Variants in SPIRE1 observed in about 807,000 individuals in gnomAD.
SPIRE1 encodes the protein spire type actin nucleation factor 1.
SPIRE1 carries 40 observed loss-of-function variants against 94.1 expected under a neutral mutation model. That is an observed-to-expected ratio of 0.43 (90% CI 0.33 to 0.55). The LOEUF (loss-of-function observed/expected upper bound fraction) is 0.55. Ranked by LOEUF, SPIRE1 falls within the 20% of genes least tolerant of loss-of-function variation. The probability of loss-of-function intolerance (pLI) is 0.06; values close to 1 mark genes in which losing one functional copy is unlikely to be tolerated. For synonymous variants in SPIRE1, 376 were observed against 371.7 expected (o/e 1.01, Z -0.13); for missense variants, 838 against 975.2 (o/e 0.86, Z 1.87).
intron 2 of SPIRE1, among the ~76,000 whole-genome samples, chr18:12,581,438 A>G (rs1467875330): frequency 3.4e-5 from 5 of 147,786 alleles, no homozygotes; most frequent in African/African-American, 1.2e-4. Flanking sequence ...AAAGGTTAAA[A>G]AAAATAACCA....
At chr18:12,632,919 A>G (rs956711320) in intron 2 of SPIRE1, among the ~76,000 whole-genome samples, 3 of 152,198 alleles carry the variant, frequency 2.0e-5, no homozygotes, top group African/African-American at 7.2e-5. Context: ...TAAAATCTTC[A>G]TATTTCATTA....
At chr18:12,556,886 GC>G (rs950436144) in intron 2 of SPIRE1, among the ~76,000 whole-genome samples, 146 of 152,268 alleles carry the variant, frequency 9.6e-4, no homozygotes, top group African/African-American at 3.4e-3. Context: ...GCTGGCTTGG[GC>G]AGCCTGCTTT....
chr18:12,661,321 A>C, upstream of SPIRE1: 1 of 978,934 alleles, frequency 1.0e-6, no homozygotes, highest in Non-Finnish European at 1.2e-6. Flanking sequence ...AAAAGAAGAA[A>C]AAAAATTGAT....
intron 2 of SPIRE1, among the ~76,000 whole-genome samples, chr18:12,631,564 A>AAC (rs2037779252): frequency 1.3e-5 from 2 of 149,796 alleles, no homozygotes; most frequent in African/African-American, 4.9e-5. Flanking sequence ...AAAAAAAAAA[A>AAC]AAAAAAAAAA....
intron 2 of SPIRE1, among the ~76,000 whole-genome samples, chr18:12,569,852 C>T (rs1182872765): frequency 1.3e-5 from 2 of 152,110 alleles, no homozygotes; most frequent in African/African-American, 4.8e-5. Context: ...GGTTTTAAAG[C>T]CCAACCAATT....
In SPIRE1 at chr18:12,453,061, A is replaced by C; in HGVS notation, c.1847+7T>G. The C allele has an allele frequency of 6.4e-7, 1 of 1,555,168 alleles. No homozygotes were observed. The highest frequency in any genetic ancestry group is 8.7e-7 in the Non-Finnish European group (1 of 1,152,758). ...TTTATCTTTTCATCAATTACAAAAT[A>C]CCTTACCTCTTACAGAACTGACAGG... On this transcript the variant is annotated splice_region_variant and intron_variant, in intron 14 of 16. Coordinates refer to ENST00000409402, the MANE Select transcript of SPIRE1 (RefSeq NM_001128626.2).
At chr18:12,457,497 C>T (rs559918534) in intron 12 of SPIRE1, among the ~76,000 whole-genome samples, 1 of 152,300 alleles carries the variant, frequency 6.6e-6, no homozygotes, top group Non-Finnish European at 1.5e-5. Context: ...GCTCCCACTG[C>T]ATGTGTTCGG....
intron 8 of SPIRE1, among the ~76,000 whole-genome samples, chr18:12,492,715 T>C (rs1568206130): frequency 6.6e-6 from 1 of 152,220 alleles, no homozygotes. Flanking sequence ...AGAGGAACTT[T>C]TATCCCCCTT....
At chr18:12,455,234 G>A (rs1428214669) in intron 12 of SPIRE1, among the ~76,000 whole-genome samples, 2 of 152,140 alleles carry the variant, frequency 1.3e-5, no homozygotes, top group Non-Finnish European at 2.9e-5. Flanking sequence ...CACCATGCCT[G>A]GCCTGGCCCT....
At chr18:12,591,796 C>T (rs1236126801) in intron 2 of SPIRE1, among the ~76,000 whole-genome samples, 3 of 151,674 alleles carry the variant, frequency 2.0e-5, no homozygotes, top group African/African-American at 7.3e-5. Context: ...AGTGAAACCC[C>T]GTCTCTACTA....
At chr18:12,630,283 C>A (rs1484086637) in intron 2 of SPIRE1, among the ~76,000 whole-genome samples, 1 of 152,132 alleles carries the variant, frequency 6.6e-6, no homozygotes, top group Non-Finnish European at 1.5e-5. Context: ...CTTCTTGCTC[C>A]CAGGAAACCT....
At chr18:12,601,958 G>C (rs2036845682) in intron 2 of SPIRE1, among the ~76,000 whole-genome samples, 2 of 152,090 alleles carry the variant, frequency 1.3e-5, no homozygotes, top group Non-Finnish European at 2.9e-5. Flanking sequence ...GGGAGCCCTG[G>C]TTACTGGTAG....
At chr18:12,584,106 C>T (rs1332518878) in intron 2 of SPIRE1, among the ~76,000 whole-genome samples, 1 of 151,778 alleles carries the variant, frequency 6.6e-6, no homozygotes, top group Non-Finnish European at 1.5e-5. Context: ...ATAATACATG[C>T]CAGGAAAAAA....
chr18:12,638,061 G>A (rs1443783547), intron 1 of SPIRE1, among the ~76,000 whole-genome samples: 1 of 152,134 alleles, frequency 6.6e-6, no homozygotes. Context: ...CTGCTCAAAA[G>A]CTAATCTAGG....
chr18:12,586,870 CTTATT>C (rs886823354), intron 2 of SPIRE1, among the ~76,000 whole-genome samples: 1 of 152,134 alleles, frequency 6.6e-6, no homozygotes, highest in African/African-American at 2.4e-5. Flanking sequence ...TGAGAAAACA[CTTATT>C]TTAACTGTCC....
intron 2 of SPIRE1, among the ~76,000 whole-genome samples, chr18:12,617,639 G>T (rs544391286): frequency 1.7e-4 from 26 of 152,190 alleles, no homozygotes; most frequent in African/African-American, 6.3e-4. Flanking sequence ...TCAAACTCCT[G>T]ACCTCAGGTG....
At chr18:12,458,807 C>T (rs2143560846) in intron 12 of SPIRE1, among the ~76,000 whole-genome samples, 1 of 152,234 alleles carries the variant, frequency 6.6e-6, no homozygotes, top group East Asian at 1.9e-4. Context: ...CCCAAGAGCA[C>T]ATCTAAAACG....
intron 10 of SPIRE1, among the ~76,000 whole-genome samples, 190 bp downstream of exon 10, chr18:12,479,509 T>A (rs1009398029): frequency 6.6e-6 from 1 of 152,208 alleles, no homozygotes; most frequent in African/African-American, 2.4e-5. Flanking sequence ...GCCACTATAT[T>A]GGTCTTTACT....
rs149948523 is a variant in SPIRE1 at position 12,516,623 on chromosome 18, T to A, written c.730-4092A>T. Among the ~76,000 whole-genome samples, 504 of 152,332 alleles carry A rather than the reference T, an allele frequency of 3.3e-3. 2 individuals carry two copies. Among genetic ancestry groups the A allele is most frequent in the African/African-American group, 0.011 (478 of 41,582 alleles). On this transcript the variant is annotated intron_variant, in intron 4 of 16. Coordinates refer to ENST00000409402, the MANE Select transcript of SPIRE1 (RefSeq NM_001128626.2). ...CCATGCTTATTTGAGTGGGTTTCTG[T>A]CATCTGCAACTGAAAGTTACGATTT... is the stretch of plus-strand genomic sequence containing the variant.
Sources: allele counts gnomAD v4.1 joint callset (sites outside exome capture counted in the v4.1 genomes callset), GRCh38; gene constraint gnomAD v4.1.1; transcripts MANE v1.5; gene names NCBI Gene and HGNC (gene_info 2026-07-23, HGNC 2026-07-21).